The following SLC12A8 variants were observed in gnomAD, a reference collection of about 807,000 sequenced individuals.
The protein encoded by SLC12A8 is cation-chloride cotransporter 9.
In SLC12A8, 69 loss-of-function variants were observed where a neutral mutation model predicts 75.6. The observed-to-expected ratio is 0.91, with a 90% confidence interval of 0.75 to 1.11. The LOEUF (loss-of-function observed/expected upper bound fraction) is 1.11, where lower values mean the gene tolerates loss of function less well. Among genes scored for constraint, SLC12A8 ranks in the 50% most tolerant of loss-of-function variants. SLC12A8 has a pLI of 0.00. For synonymous variants in SLC12A8, 365 were observed against 372.8 expected, an observed-to-expected ratio of 0.98 and a Z score of 0.24; for missense variants, 877 against 896.7, an observed-to-expected ratio of 0.98 and a Z score of 0.28.
chr3:125,152,364 A>G lies in SLC12A8; in HGVS notation c.623-16582T>C, dbSNP rs144846814. 2.6e-5 allele frequency among the ~76,000 whole-genome samples: 4 copies of G among 152,324 alleles called. No homozygotes were observed. In the East Asian group the frequency reaches 5.8e-4, roughly 22 times the overall value. ...CACCTCTGGTACGTGTGAGTTTAAA[A>G]TGGTGCTCATTCGGTCATTACAGAT... On this transcript the variant is annotated intron_variant, in intron 5 of 13. Transcript: ENST00000469902.
chr3:125,180,501 T>C (rs1287250687), intron 4 of SLC12A8, among the ~76,000 whole-genome samples: 2 of 152,092 alleles, frequency 1.3e-5, no homozygotes, highest in Admixed American at 1.3e-4. Flanking sequence ...GAGACTAGCC[T>C]GGGCAACATG....
intron 5 of SLC12A8, among the ~76,000 whole-genome samples, chr3:125,142,207 C>T (rs1933666767): frequency 6.6e-6 from 1 of 152,194 alleles, no homozygotes; most frequent in East Asian, 1.9e-4. Flanking sequence ...TCCACGGGCC[C>T]CATCCTGCCA....
intron 5 of SLC12A8, among the ~76,000 whole-genome samples, chr3:125,152,646 C>A (rs1393188473): frequency 1.3e-5 from 2 of 152,176 alleles, no homozygotes; most frequent in South Asian, 2.1e-4. Flanking sequence ...CCCCTCCCCC[C>A]AAACTCAAAG....
At chr3:125,166,615 C>T (rs978886571) in intron 5 of SLC12A8, among the ~76,000 whole-genome samples, 1 of 152,178 alleles carries the variant, frequency 6.6e-6, no homozygotes, top group Non-Finnish European at 1.5e-5. Flanking sequence ...GTACGGGGAG[C>T]GCCAGGAGAC....
chr3:125,195,629 C>T (rs1382319012), intron 2 of SLC12A8, among the ~76,000 whole-genome samples: 1 of 151,414 alleles, frequency 6.6e-6, no homozygotes, highest in East Asian at 1.9e-4. Flanking sequence ...TGCATCTTCA[C>T]ACTTGTTCAA....
At chr3:125,178,850 C>G (rs116419217) in intron 4 of SLC12A8, among the ~76,000 whole-genome samples, 1,851 of 152,282 alleles carry the variant, frequency 0.012, 46 homozygotes, top group African/African-American at 0.04. Flanking sequence ...AAAATCCCTG[C>G]TCCAGGTTAG....
chr3:125,161,937 C>G (rs1174338620), intron 5 of SLC12A8, among the ~76,000 whole-genome samples: 2 of 152,180 alleles, frequency 1.3e-5, no homozygotes. Context: ...CAGTTGCAAC[C>G]CTTCCTTCCT....
At chr3:125,152,342 C>T (rs1933945838) in intron 5 of SLC12A8, among the ~76,000 whole-genome samples, 1 of 152,204 alleles carries the variant, frequency 6.6e-6, no homozygotes, top group Non-Finnish European at 1.5e-5. Context: ...CCACGATCAC[C>T]TCTGGTACGT....
rs937868450 is a variant in SLC12A8 at position 125,159,500 on chromosome 3, T to C, written c.622+18243A>G. Among the ~76,000 whole-genome samples, 6 of 152,348 alleles carry C rather than the reference T, an allele frequency of 3.9e-5. No homozygotes were observed. In the South Asian group the frequency reaches 6.2e-4, roughly 16 times the overall value. On this transcript the variant is annotated intron_variant, in intron 5 of 13. Coordinates refer to ENST00000469902, the MANE Select transcript of SLC12A8 (RefSeq NM_024628.6). ...AGTAGATAGTCCAGTGGTACAGATA[T>C]CAGTCCCAAGAAAATGGAATGTCAA...
chr3:125,143,246 T>C (rs1440153980), intron 5 of SLC12A8, among the ~76,000 whole-genome samples: 1 of 152,254 alleles, frequency 6.6e-6, no homozygotes, highest in East Asian at 1.9e-4. Flanking sequence ...ATAACAATCC[T>C]GGTACAACTA....
At chr3:125,174,628 T>C (rs548652985) in intron 5 of SLC12A8, among the ~76,000 whole-genome samples, 2 of 152,326 alleles carry the variant, frequency 1.3e-5, no homozygotes, top group African/African-American at 4.8e-5. Context: ...TCCAGTTTCT[T>C]TTTATTCAGT....
chr3:125,211,227 A>T, intron 2 of SLC12A8, 72 bp downstream of exon 2: 1 of 1,250,642 alleles, frequency 8.0e-7, no homozygotes, highest in Non-Finnish European at 1.2e-6. Context: ...TAATGTTTGC[A>T]TCCAGCCCAC....
intron 5 of SLC12A8, among the ~76,000 whole-genome samples, chr3:125,155,960 A>G (rs1340013461): frequency 6.6e-6 from 1 of 151,980 alleles, no homozygotes; most frequent in East Asian, 1.9e-4. Flanking sequence ...CCTAGACCGT[A>G]TGCTCAGGGT....
chr3:125,180,339 T>C (rs969329679), intron 4 of SLC12A8, among the ~76,000 whole-genome samples: 2 of 152,142 alleles, frequency 1.3e-5, no homozygotes, highest in African/African-American at 4.8e-5. Context: ...GATAGTAACC[T>C]TCAAAAGGTT....
chr3:125,193,944 G>A (rs1233587578), intron 2 of SLC12A8, among the ~76,000 whole-genome samples: 1 of 152,174 alleles, frequency 6.6e-6, no homozygotes, highest in East Asian at 1.9e-4. Flanking sequence ...TAGTGTCCCA[G>A]ATTTGGGCCC....
rs1390402330 is a variant in SLC12A8 at position 125,120,569 on chromosome 3, C to T, written c.824+30G>A. On this transcript the variant is annotated intron_variant, in intron 7 of 13. Coordinates refer to ENST00000469902, the MANE Select transcript of SLC12A8 (RefSeq NM_024628.6). ...TGGGGTTTTCTCTCCCACTCTCTAG[C>T]TCAGACTGATTGCCATGAGGGGAAC... The T allele has an allele frequency of 7.8e-6, 12 of 1,548,336 alleles. No homozygotes were observed. The South Asian group carries it at 1.2e-4, about 16-fold the overall frequency.
rs1432750208 is a variant in SLC12A8 at position 125,108,276 on chromosome 3, T to C, written c.1060-150A>G. 1.7e-5 allele frequency: 14 copies of C among 816,462 alleles called. 1 individual carries two copies. The highest frequency in any genetic ancestry group is 1.5e-4 in the Admixed American group (5 of 34,256). 50.6% of individuals were successfully genotyped at this position (816,462 alleles called of 1,614,324 possible). A position where few individuals can be genotyped will look rare whatever the true frequency, so the allele number is the denominator to read the frequency against. On this transcript the variant is annotated intron_variant, in intron 9 of 13. Transcript: ENST00000469902. ...CATCTATAAACTTGAGATAATAATA[T>C]CCTACTCATGGGATTAGTTCATGCA...
chr3:125,181,943 T>C (rs977603685), intron 4 of SLC12A8, among the ~76,000 whole-genome samples: 5 of 152,084 alleles, frequency 3.3e-5, no homozygotes, highest in African/African-American at 1.2e-4. Context: ...TCTCTGCACT[T>C]TGGGAGACCA....
chr3:125,156,859 C>T (rs1934062001), intron 5 of SLC12A8, among the ~76,000 whole-genome samples: 1 of 152,204 alleles, frequency 6.6e-6, no homozygotes, highest in Non-Finnish European at 1.5e-5. Context: ...GATTCAACCC[C>T]TTCCCTGCTT....
Sources: allele counts gnomAD v4.1 joint callset (sites outside exome capture counted in the v4.1 genomes callset), GRCh38; gene constraint gnomAD v4.1.1; transcripts MANE v1.5; gene names NCBI Gene and HGNC (gene_info 2026-07-23, HGNC 2026-07-21).